NBEAL1: variants seen among roughly 807,000 people sequenced by gnomAD.
NBEAL1 encodes the protein neurobeachin like 1, also known as neurobeachin-like protein 1.
NBEAL1 carries 273 observed loss-of-function variants against 351.3 expected under a neutral mutation model. That is an observed-to-expected ratio of 0.78 (90% CI 0.70 to 0.86). The LOEUF (loss-of-function observed/expected upper bound fraction) is 0.86, where lower values mean the gene tolerates loss of function less well. Ranked by LOEUF, NBEAL1 falls within the 40% of genes least tolerant of loss-of-function variation. NBEAL1 has a pLI of 0.00. For missense variants in NBEAL1, 2,961 were observed against 3,201.3 expected, an observed-to-expected ratio of 0.92 and a Z score of 1.81; for synonymous variants, 1,050 against 1,086.4, an observed-to-expected ratio of 0.97 and a Z score of 0.66.
chr2:203,128,002 A>C, intron 24 of NBEAL1, 65 bp downstream of exon 24: 1 of 1,228,828 alleles, frequency 8.1e-7, no homozygotes, highest in Non-Finnish European at 1.2e-6. Flanking sequence ...CATCTTCTGA[A>C]CGTATGTTTG....
intron 15 of NBEAL1, among the ~76,000 whole-genome samples, chr2:203,110,946 A>G (rs1378824517): frequency 6.6e-6 from 1 of 151,746 alleles, no homozygotes; most frequent in South Asian, 2.1e-4. Flanking sequence ...TTGTATTTTT[A>G]GTAGAGACAG....
At chr2:203,099,076 G>A (rs1163146523) in intron 11 of NBEAL1, among the ~76,000 whole-genome samples, 1 of 152,074 alleles carries the variant, frequency 6.6e-6, no homozygotes, top group Non-Finnish European at 1.5e-5. Context: ...AGGAGTTCAA[G>A]ACCAGCCTGA....
At chr2:203,074,317 C>CTTTTTTT (rs56217945) in intron 7 of NBEAL1, among the ~76,000 whole-genome samples, 144 of 98,280 alleles carry the variant, frequency 1.5e-3, no homozygotes, top group African/African-American at 2.3e-3. Flanking sequence ...TTTCTTTCTT[C>CTTTTTTT]TTTTTTTTTT....
intron 3 of NBEAL1, among the ~76,000 whole-genome samples, chr2:203,043,966 T>C (rs1294588178): frequency 5.9e-5 from 9 of 152,170 alleles, no homozygotes; most frequent in South Asian, 2.1e-4. Flanking sequence ...GTTGTTGTTA[T>C]GGAAAATAAG....
intron 4 of NBEAL1, among the ~76,000 whole-genome samples, chr2:203,054,457 T>G (rs1574904220): frequency 6.6e-6 from 1 of 151,848 alleles, no homozygotes; most frequent in East Asian, 1.9e-4. Flanking sequence ...TTTTTCAAAT[T>G]ATTGTCTTGC....
At chr2:203,118,738 C>T (rs1314268720) in intron 18 of NBEAL1, among the ~76,000 whole-genome samples, 10 of 151,996 alleles carry the variant, frequency 6.6e-5, no homozygotes, top group African/African-American at 1.9e-4. Context: ...ATTACAGGCA[C>T]GTACCACCAC....
intron 27 of NBEAL1, among the ~76,000 whole-genome samples, chr2:203,133,704 G>T (rs1403701412): frequency 3.5e-5 from 5 of 143,416 alleles, no homozygotes; most frequent in African/African-American, 1.3e-4. Flanking sequence ...CACAGTTCTT[G>T]ATATATATAT....
intron 46 of NBEAL1, among the ~76,000 whole-genome samples, chr2:203,191,852 A>T (rs1371718924): frequency 6.6e-6 from 1 of 152,140 alleles, no homozygotes; most frequent in Non-Finnish European, 1.5e-5. Flanking sequence ...ACATGTTCTT[A>T]TGGGCCTTTA....
At chr2:203,188,796 ACAT>A (rs1481406902) in intron 45 of NBEAL1, among the ~76,000 whole-genome samples, 1 of 152,222 alleles carries the variant, frequency 6.6e-6, no homozygotes, top group Non-Finnish European at 1.5e-5. Context: ...TCACTTATTA[ACAT>A]CATAAAAGTT....
At chr2:203,088,365 A>T (rs2106179556) in intron 10 of NBEAL1, among the ~76,000 whole-genome samples, 1 of 152,268 alleles carries the variant, frequency 6.6e-6, no homozygotes, top group Non-Finnish European at 1.5e-5. Flanking sequence ...AATGATTAGG[A>T]AATGGGAAAG....
In NBEAL1 at chr2:203,217,895, C is replaced by A; in HGVS notation, c.*541C>A. ...TAAAATAAGAATATTGAAACTGGTA[C>A]ATTAGCTAATTCTATTACTACTTAG... On this transcript the variant is annotated 3_prime_UTR_variant, in exon 56 of 56. Transcript: ENST00000683969. 1 of 979,782 alleles carries A rather than the reference C, an allele frequency of 1.0e-6. No individual in the cohort carries two copies. Among genetic ancestry groups the A allele is most frequent in the African/African-American group, 1.7e-5 (1 of 57,270 alleles). 60.7% of individuals were successfully genotyped at this position (979,782 alleles called of 1,614,324 possible).
intron 34 of NBEAL1, among the ~76,000 whole-genome samples, 175 bp downstream of exon 34, chr2:203,149,323 G>C (rs1358463224): frequency 6.6e-6 from 1 of 151,966 alleles, no homozygotes; most frequent in Non-Finnish European, 1.5e-5. Flanking sequence ...ATTCGAGGTT[G>C]TATTGTTTTT....
Position 203,132,119 on chromosome 2 carries a change from A to C in NBEAL1, c.3711A>C (p.Gln1237His). The C allele has an allele frequency of 6.6e-7, 1 of 1,525,592 alleles. No homozygotes were observed. The highest frequency in any genetic ancestry group is 8.9e-7 in the Non-Finnish European group (1 of 1,126,320). 94.5% of individuals were successfully genotyped at this position (1,525,592 alleles called of 1,614,324 possible). The change falls in exon 26 of 56, where the codon CAA becomes CAC. Residue 1237 changes from glutamine to histidine, a missense_variant. Gln to His is a conservative substitution (Grantham distance 24). Coordinates refer to ENST00000683969, the MANE Select transcript of NBEAL1 (RefSeq NM_001378026.1). ...CTCTTATTAAAAACCTCACCCATCA[A>C]ATCATAAATACAGGTATGAATAAGG... Reference protein sequence around the residue: ...NTSLIKNLTHQIINTDPVINF... With the variant: ...NTSLIKNLTHHIINTDPVINF...
At chr2:203,105,465 A>C (rs77909091) in intron 12 of NBEAL1, among the ~76,000 whole-genome samples, 1 of 142,538 alleles carries the variant, frequency 7.0e-6, no homozygotes, top group Non-Finnish European at 1.5e-5. Flanking sequence ...ACTCCATCTC[A>C]AAAAAAAAAA....
intron 14 of NBEAL1, 53 bp from the exon 15 acceptor site, chr2:203,110,097 G>A: frequency 6.7e-7 from 1 of 1,487,936 alleles, no homozygotes. Context: ...CTTTAATGAT[G>A]ATGAAACTGA....
At chr2:203,044,475 C>A (rs924194703) in intron 3 of NBEAL1, among the ~76,000 whole-genome samples, 1 of 152,102 alleles carries the variant, frequency 6.6e-6, no homozygotes, top group African/African-American at 2.4e-5. Context: ...TTCTAAGGTG[C>A]AGTTGTTATC....
At chr2:203,113,481 C>G (rs192601865) in intron 17 of NBEAL1, among the ~76,000 whole-genome samples, 163 bp downstream of exon 17, 1 of 152,074 alleles carries the variant, frequency 6.6e-6, no homozygotes, top group Non-Finnish European at 1.5e-5. Context: ...GAAGAAAAAG[C>G]CCCTCCACAT....
chr2:203,092,399 C>CA (rs1231545045), intron 10 of NBEAL1, among the ~76,000 whole-genome samples: 3,979 of 112,370 alleles, frequency 0.035, 66 homozygotes, highest in Non-Finnish European at 0.048. Flanking sequence ...ACTAAAAATA[C>CA]AAAAAAAAAA....
intron 11 of NBEAL1, 87 bp downstream of exon 11, chr2:203,097,720 C>A: frequency 3.4e-6 from 1 of 296,612 alleles, no homozygotes; most frequent in Non-Finnish European, 5.0e-6. Context: ...TTCTTATGTC[C>A]TAAAATACAC....
Sources: allele counts gnomAD v4.1 joint callset (sites outside exome capture counted in the v4.1 genomes callset), GRCh38; gene constraint gnomAD v4.1.1; transcripts MANE v1.5; gene names NCBI Gene and HGNC (gene_info 2026-07-23, HGNC 2026-07-21).